ME3: variants seen among roughly 807,000 people sequenced by gnomAD.
The protein encoded by ME3 is NADP-dependent malic enzyme, mitochondrial.
In ME3, 48 loss-of-function variants were observed where a neutral mutation model predicts 68.9. The observed-to-expected ratio is 0.70, with a 90% CI of 0.55 to 0.89. The LOEUF is 0.89. Among genes scored for constraint, ME3 ranks in the 40% least tolerant of loss-of-function variants. ME3 has a pLI of 0.00. For missense variants in ME3, 675 were observed against 797.4 expected, an observed-to-expected ratio of 0.85 and a Z score of 1.85; for synonymous variants, 320 against 318.8, an observed-to-expected ratio of 1.00 and a Z score of -0.04.
At chr11:86,590,397 G>A (rs1185051837) in intron 2 of ME3, among the ~76,000 whole-genome samples, 2 of 152,204 alleles carry the variant, frequency 1.3e-5, no homozygotes, top group Admixed American at 6.5e-5. Context: ...ACAGAAATGT[G>A]TCACGTGCTA....
intron 2 of ME3, among the ~76,000 whole-genome samples, chr11:86,606,988 A>G (rs1311547355): frequency 6.6e-6 from 1 of 152,186 alleles, no homozygotes; most frequent in African/African-American, 2.4e-5. Context: ...ACAGGAGGAG[A>G]TAGAGTTACA....
chr11:86,573,168 T>G (rs1475336213), intron 2 of ME3, among the ~76,000 whole-genome samples: 1 of 152,244 alleles, frequency 6.6e-6, no homozygotes, highest in African/African-American at 2.4e-5. Flanking sequence ...CCTTGTAGAT[T>G]CTGGATATTA....
chr11:86,647,672 A>G (rs1307757256), intron 2 of ME3, among the ~76,000 whole-genome samples: 1 of 152,184 alleles, frequency 6.6e-6, no homozygotes, highest in Non-Finnish European at 1.5e-5. Flanking sequence ...GGCATTACAT[A>G]ATGGTAAAAG....
At chr11:86,664,429 G>C (rs940720043) in intron 2 of ME3, among the ~76,000 whole-genome samples, 1 of 152,132 alleles carries the variant, frequency 6.6e-6, no homozygotes, top group African/African-American at 2.4e-5. Flanking sequence ...TACTTAACAC[G>C]ATATACTTTC....
chr11:86,523,099 C>T (rs75708250), intron 4 of ME3, among the ~76,000 whole-genome samples: 8,080 of 152,240 alleles, frequency 0.053, 291 homozygotes, highest in Non-Finnish European at 0.081. Flanking sequence ...AAACCTCAGT[C>T]CTACTGTTGG....
the ME3 span, chr11:86,435,345 A>G: frequency 6.6e-6 from 1 of 152,268 alleles, no homozygotes. Context: ...AATTATAAAG[A>G]TCATATTTAA....
intron 4 of ME3, among the ~76,000 whole-genome samples, chr11:86,516,383 G>GTATATA (rs373878994): frequency 1.3e-5 from 2 of 150,256 alleles, no homozygotes; most frequent in Non-Finnish European, 3.0e-5. Flanking sequence ...GTGTGTGTGT[G>GTATATA]TATATATATA....
chr11:86,563,073 A>T (rs998072085), intron 2 of ME3, among the ~76,000 whole-genome samples: 3 of 152,060 alleles, frequency 2.0e-5, no homozygotes, highest in Admixed American at 1.3e-4. Context: ...TCTATCATTG[A>T]TGGGCACCTG....
At chr11:86,635,084 C>T (rs1944251056) in intron 2 of ME3, among the ~76,000 whole-genome samples, 1 of 152,152 alleles carries the variant, frequency 6.6e-6, no homozygotes, top group Non-Finnish European at 1.5e-5. Flanking sequence ...GCAGATGGAC[C>T]GTTTGAGCCC....
intron 2 of ME3, among the ~76,000 whole-genome samples, chr11:86,612,028 T>C (rs1056786793): frequency 5.3e-5 from 8 of 152,190 alleles, no homozygotes; most frequent in African/African-American, 1.9e-4. Context: ...GGTGGTTTGC[T>C]GCACCTATTG....
chr11:86,660,409 A>C (rs987001943), intron 2 of ME3, among the ~76,000 whole-genome samples: 2 of 152,254 alleles, frequency 1.3e-5, no homozygotes, highest in African/African-American at 4.8e-5. Context: ...CTAATTGGAC[A>C]CTTACCATCT....
At chr11:86,499,555 C>T (rs1412657344) in intron 5 of ME3, among the ~76,000 whole-genome samples, 1 of 152,176 alleles carries the variant, frequency 6.6e-6, no homozygotes, top group Non-Finnish European at 1.5e-5. Context: ...CATTCTTTCC[C>T]TGGAAGAGTT....
intron 2 of ME3, among the ~76,000 whole-genome samples, chr11:86,640,340 T>C (rs1006864793): frequency 1.3e-5 from 2 of 152,222 alleles, no homozygotes; most frequent in African/African-American, 4.8e-5. Context: ...TTTCCAAGGC[T>C]AGGCAGCCTC....
chr11:86,504,143 T>G (rs1952905696), intron 5 of ME3, among the ~76,000 whole-genome samples: 1 of 152,142 alleles, frequency 6.6e-6, no homozygotes, highest in Non-Finnish European at 1.5e-5. Flanking sequence ...AAAGTCATTT[T>G]TTACTTTCTG....
chr11:86,448,581 C>T (rs569566912), intron 10 of ME3, among the ~76,000 whole-genome samples: 1 of 152,284 alleles, frequency 6.6e-6, no homozygotes, highest in African/African-American at 2.4e-5. Flanking sequence ...CTGAGTCTCA[C>T]CAAGACCCTT....
chr11:86,590,903 G>A (rs372852297), intron 2 of ME3, among the ~76,000 whole-genome samples: 95 of 152,308 alleles, frequency 6.2e-4, no homozygotes, highest in Middle Eastern at 3.4e-3. Flanking sequence ...CATAGTTCAC[G>A]TGAAGGAAGA....
At chr11:86,487,368 G>A in exon 7 of ME3, 3 of 1,614,164 alleles carry the variant, frequency 1.9e-6, no homozygotes, top group Non-Finnish European at 2.5e-6. Flanking sequence ...AACTCATCCA[G>A]CAAGTCATCG....
chr11:86,446,421 T>A (rs2138599695), exon 13 of ME3: 1 of 1,614,224 alleles, frequency 6.2e-7, no homozygotes, highest in African/African-American at 1.3e-5. Context: ...TGCCCAGGAA[T>A]GAAGGTCTTG....
downstream of ME3, among the ~76,000 whole-genome samples, chr11:86,440,530 C>G (rs1452698811): frequency 1.3e-5 from 2 of 152,178 alleles, no homozygotes; most frequent in African/African-American, 4.8e-5. Flanking sequence ...TGCCTCTCTT[C>G]CTCCTCACTG....
Sources: allele counts gnomAD v4.1 joint callset (sites outside exome capture counted in the v4.1 genomes callset), GRCh38; gene constraint gnomAD v4.1.1; transcripts MANE v1.5; gene names NCBI Gene and HGNC (gene_info 2026-07-23, HGNC 2026-07-21).